TRPS1: variants seen among roughly 807,000 people sequenced by gnomAD.
TRPS1 encodes zinc finger transcription factor Trps1.
In TRPS1, 6 loss-of-function variants were observed where a neutral mutation model predicts 101.2. The observed-to-expected ratio is 0.06, with a 90% confidence interval of 0.03 to 0.12. The LOEUF (loss-of-function observed/expected upper bound fraction) is 0.12. Ranked by LOEUF, TRPS1 falls within the 10% of genes least tolerant of loss-of-function variation. The probability of loss-of-function intolerance (pLI) is 1.00; values close to 1 mark genes in which losing one functional copy is unlikely to be tolerated. For synonymous variants in TRPS1, 578 were observed against 589.8 expected (o/e 0.98, Z 0.29); for missense variants, 1,363 against 1,567.0 (o/e 0.87, Z 2.20).
At chr8:115,578,220 T>C (rs1175691680) in intron 5 of TRPS1, among the ~76,000 whole-genome samples, 1 of 152,218 alleles carries the variant, frequency 6.6e-6, no homozygotes, top group East Asian at 1.9e-4. Context: ...ATTAAATATG[T>C]CAATTTACAA....
At chr8:115,542,354 C>T (rs1473755919) in intron 5 of TRPS1, among the ~76,000 whole-genome samples, 1 of 152,150 alleles carries the variant, frequency 6.6e-6, no homozygotes, top group Admixed American at 6.6e-5. Flanking sequence ...TCCTTTCTTG[C>T]ACCCAAACCT....
At chr8:115,570,010 T>G (rs1817163205) in intron 5 of TRPS1, among the ~76,000 whole-genome samples, 1 of 152,080 alleles carries the variant, frequency 6.6e-6, no homozygotes, top group Non-Finnish European at 1.5e-5. Context: ...AGAAATGCAC[T>G]GGCAGATTGT....
At chr8:115,613,356 G>A (rs1818211823) in intron 3 of TRPS1, among the ~76,000 whole-genome samples, 1 of 152,154 alleles carries the variant, frequency 6.6e-6, no homozygotes, top group Non-Finnish European at 1.5e-5. Flanking sequence ...ACTACACGGA[G>A]CAGATAGCAG....
At chr8:115,608,665 G>C (rs1172066879) in intron 3 of TRPS1, among the ~76,000 whole-genome samples, 5 of 151,134 alleles carry the variant, frequency 3.3e-5, no homozygotes, top group Non-Finnish European at 7.3e-5. Context: ...CTATGGATTT[G>C]TGCTGTCCAA....
intron 5 of TRPS1, among the ~76,000 whole-genome samples, chr8:115,582,939 C>T (rs910504694): frequency 1.3e-5 from 2 of 152,150 alleles, no homozygotes; most frequent in African/African-American, 4.8e-5. Context: ...TGACAAATAA[C>T]ATGGAGGAGT....
At chr8:115,445,349 A>G (rs923174034) in intron 5 of TRPS1, among the ~76,000 whole-genome samples, 1 of 152,150 alleles carries the variant, frequency 6.6e-6, no homozygotes, top group Non-Finnish European at 1.5e-5. Flanking sequence ...CGTCAGCTAA[A>G]CCTTTTATGC....
intron 3 of TRPS1, among the ~76,000 whole-genome samples, chr8:115,617,696 A>G (rs374084988): frequency 2.6e-5 from 4 of 152,294 alleles, no homozygotes; most frequent in African/African-American, 9.6e-5. Context: ...TAAAACAAGT[A>G]TTTGCTTCCC....
rs538868416 is a variant in TRPS1 at position 115,518,883 on chromosome 8, T to A, written c.2700+68118A>T. On this transcript the variant is annotated intron_variant, in intron 5 of 6. Coordinates refer to ENST00000395715, the MANE Select transcript of TRPS1 (RefSeq NM_014112.5). ...CAAATCAAATGCTCATATACAGTCATGTGTAAAGTATGTTGGTCATGAACA... is the reference window on the plus strand; with the variant it reads ...CAAATCAAATGCTCATATACAGTCAAGTGTAAAGTATGTTGGTCATGAACA... Among the ~76,000 whole-genome samples the A allele has an allele frequency of 2.0e-5, 3 of 151,960 alleles. No homozygotes were observed. In the East Asian group the frequency reaches 5.8e-4, roughly 29 times the overall value.
chr8:115,521,629 T>A (rs1203470133), intron 5 of TRPS1, among the ~76,000 whole-genome samples: 1 of 151,894 alleles, frequency 6.6e-6, no homozygotes, highest in East Asian at 1.9e-4. Flanking sequence ...GAGAAGTTAA[T>A]AATCACATTC....
intron 5 of TRPS1, among the ~76,000 whole-genome samples, chr8:115,548,938 T>C (rs556994780): frequency 4.2e-4 from 64 of 152,256 alleles, no homozygotes; most frequent in Admixed American, 1.4e-3. Context: ...AGATGTAAAA[T>C]TCACCCTGTC....
intron 4 of TRPS1, among the ~76,000 whole-genome samples, chr8:115,596,770 G>T (rs1232820591): frequency 6.6e-6 from 1 of 151,566 alleles, no homozygotes; most frequent in Non-Finnish European, 1.5e-5. Flanking sequence ...ATTTATCCAT[G>T]CATGTACACA....
At chr8:115,498,373 G>GTCTC (rs1271156488) in intron 5 of TRPS1, among the ~76,000 whole-genome samples, 669 of 30,878 alleles carry the variant, frequency 0.022, 164 homozygotes, top group East Asian at 0.042. Context: ...GAGAGAGCCC[G>GTCTC]TCTCTCTCTC....
chr8:115,562,586 C>T (rs1055220449), intron 5 of TRPS1, among the ~76,000 whole-genome samples: 1 of 149,572 alleles, frequency 6.7e-6, no homozygotes, highest in Non-Finnish European at 1.5e-5. Context: ...ATTTTAGTAA[C>T]ATGATTTGTT....
rs1813350626 is a variant in TRPS1 at position 115,432,671 on chromosome 8, A to C, written c.2701-14219T>G. 1.3e-5 allele frequency among the ~76,000 whole-genome samples: 2 copies of C among 151,926 alleles called. 1 individual carries two copies. Among genetic ancestry groups the C allele is most frequent in the Non-Finnish European group, 2.9e-5 (2 of 67,842 alleles). On this transcript the variant is annotated intron_variant, in intron 5 of 6. Transcript: ENST00000395715. ...AGTAATAACTTTTAAAGAAGTAGAAAATCACCATTAGCAGAGGTTTAGTTA... is the reference window on the plus strand; with the variant it reads ...AGTAATAACTTTTAAAGAAGTAGAACATCACCATTAGCAGAGGTTTAGTTA...
At chr8:115,572,792 T>A (rs1817235190) in intron 5 of TRPS1, among the ~76,000 whole-genome samples, 1 of 152,198 alleles carries the variant, frequency 6.6e-6, no homozygotes, top group Non-Finnish European at 1.5e-5. Flanking sequence ...TTCATTATTT[T>A]ACCCTCACAG....
At chr8:115,467,882 A>G (rs909960844) in intron 5 of TRPS1, among the ~76,000 whole-genome samples, 1 of 152,172 alleles carries the variant, frequency 6.6e-6, no homozygotes, top group Non-Finnish European at 1.5e-5. Flanking sequence ...TATGACTGCA[A>G]GAAAATCTCC....
intron 4 of TRPS1, among the ~76,000 whole-genome samples, chr8:115,592,621 C>T (rs1433955664): frequency 6.6e-6 from 1 of 152,068 alleles, no homozygotes; most frequent in Non-Finnish European, 1.5e-5. Context: ...GGACAGAAAA[C>T]ATATTAAAAA....
At chr8:115,421,280 C>T (rs896477105) in intron 5 of TRPS1, among the ~76,000 whole-genome samples, 14 of 152,114 alleles carry the variant, frequency 9.2e-5, no homozygotes, top group African/African-American at 3.4e-4. Context: ...CCACCATGCC[C>T]CGCTACTGTG....
At chr8:115,416,565 T>A (rs1033634497) in intron 6 of TRPS1, among the ~76,000 whole-genome samples, 5 of 148,526 alleles carry the variant, frequency 3.4e-5, no homozygotes, top group Non-Finnish European at 6.0e-5. Flanking sequence ...ATAAACATGT[T>A]ATAATAATAT....
Sources: allele counts gnomAD v4.1 joint callset (sites outside exome capture counted in the v4.1 genomes callset), GRCh38; gene constraint gnomAD v4.1.1; transcripts MANE v1.5; gene names NCBI Gene and HGNC (gene_info 2026-07-23, HGNC 2026-07-21).